NELL1: variants seen among roughly 807,000 people sequenced by gnomAD.
NELL1 encodes protein kinase C-binding protein NELL1.
In NELL1, 76 loss-of-function variants were observed where a neutral mutation model predicts 107.4. The observed-to-expected ratio is 0.71, with a 90% CI of 0.59 to 0.86. The LOEUF (loss-of-function observed/expected upper bound fraction) is 0.86, where lower values mean the gene tolerates loss of function less well. Among genes scored for constraint, NELL1 ranks in the 40% least tolerant of loss-of-function variants. The probability of loss-of-function intolerance (pLI) is 0.00; values close to 1 mark genes in which losing one functional copy is unlikely to be tolerated. For synonymous variants in NELL1, 353 were observed against 341.2 expected, an observed-to-expected ratio of 1.03 and a Z score of -0.38; for missense variants, 1,024 against 1,005.5, an observed-to-expected ratio of 1.02 and a Z score of -0.25.
intron 15 of NELL1, among the ~76,000 whole-genome samples, chr11:21,530,249 T>C (rs1855959803): frequency 6.6e-6 from 1 of 152,150 alleles, no homozygotes; most frequent in East Asian, 1.9e-4. Flanking sequence ...GCTTTAACTA[T>C]TAGTATGAAA....
chr11:21,274,538 A>G (rs1356955941), intron 14 of NELL1, among the ~76,000 whole-genome samples: 1 of 152,200 alleles, frequency 6.6e-6, no homozygotes, highest in Non-Finnish European at 1.5e-5. Flanking sequence ...TCAGCTCTGC[A>G]CCAAGCGGAC....
Position 21,489,395 on chromosome 11 carries a change from A to C in NELL1, c.1646-44979A>C, listed in dbSNP as rs1229031490. On this transcript the variant is annotated intron_variant, in intron 15 of 19. Transcript: ENST00000357134. ...GAAAGTATTTCAAAAAAAAAAAAAA[A>C]AAAAAAAAAAAAACAGAAGAAAAGG... 6.1e-5 allele frequency among the ~76,000 whole-genome samples: 9 copies of C among 147,172 alleles called. No individual in the cohort carries two copies. The South Asian group carries it at 1.9e-3, about 32-fold the overall frequency.
chr11:21,397,930 G>C (rs919314287), intron 15 of NELL1, among the ~76,000 whole-genome samples: 1 of 151,462 alleles, frequency 6.6e-6, no homozygotes, highest in Admixed American at 6.6e-5. Context: ...GAATCTGCTT[G>C]AACCTTGATC....
chr11:20,967,291 A>G (rs1262794674), intron 12 of NELL1, among the ~76,000 whole-genome samples: 1 of 152,132 alleles, frequency 6.6e-6, no homozygotes, highest in Non-Finnish European at 1.5e-5. Flanking sequence ...GAAATGGGCT[A>G]GTTTGCTTAA....
intron 16 of NELL1, among the ~76,000 whole-genome samples, chr11:21,540,837 C>A (rs1292600346): frequency 6.6e-6 from 1 of 152,010 alleles, no homozygotes; most frequent in Non-Finnish European, 1.5e-5. Context: ...AAATCCAAAC[C>A]ATATCACTGG....
At chr11:21,506,259 G>T (rs181013750) in intron 15 of NELL1, among the ~76,000 whole-genome samples, 1 of 152,252 alleles carries the variant, frequency 6.6e-6, no homozygotes, top group African/African-American at 2.4e-5. Context: ...AACCGATCTT[G>T]GTGATACAGA....
intron 13 of NELL1, among the ~76,000 whole-genome samples, chr11:21,172,594 C>A (rs1163934917): frequency 1.3e-5 from 2 of 151,620 alleles, no homozygotes; most frequent in African/African-American, 4.9e-5. Flanking sequence ...TATACCACTA[C>A]CTTCTCCGAG....
intron 14 of NELL1, among the ~76,000 whole-genome samples, chr11:21,318,764 C>T (rs1849936339): frequency 4.0e-5 from 6 of 151,800 alleles, no homozygotes. Flanking sequence ...CCTAATAAGA[C>T]ATTTTTTCTT....
At chr11:21,025,311 T>C (rs1852791042) in intron 12 of NELL1, among the ~76,000 whole-genome samples, 1 of 151,978 alleles carries the variant, frequency 6.6e-6, no homozygotes, top group Non-Finnish European at 1.5e-5. Flanking sequence ...TTCTGTAAGG[T>C]TGGTGCTATT....
chr11:21,168,758 T>C (rs952331647), intron 13 of NELL1, among the ~76,000 whole-genome samples: 1 of 151,866 alleles, frequency 6.6e-6, no homozygotes, highest in Non-Finnish European at 1.5e-5. Context: ...CAGGTGCTGT[T>C]GTTAAGCTGC....
At chr11:21,264,424 A>G (rs1791834) in intron 14 of NELL1, among the ~76,000 whole-genome samples, 137,438 of 151,772 alleles carry the variant, frequency 0.91, 62,374 homozygotes, top group Non-Finnish European at 0.93. Context: ...GGAATGAAGG[A>G]AGAACATTTG....
chr11:20,764,135 C>T (rs553637303), intron 2 of NELL1, among the ~76,000 whole-genome samples: 2 of 152,070 alleles, frequency 1.3e-5, no homozygotes, highest in Non-Finnish European at 2.9e-5. Context: ...TCACTGATTC[C>T]AAGGCACACA....
At chr11:21,420,076 G>A (rs1470213208) in intron 15 of NELL1, among the ~76,000 whole-genome samples, 2 of 151,934 alleles carry the variant, frequency 1.3e-5, no homozygotes, top group African/African-American at 4.8e-5. Flanking sequence ...ACGTGTGTTT[G>A]AATGGATACA....
intron 3 of NELL1, among the ~76,000 whole-genome samples, chr11:20,827,547 CAT>C (rs1197644130): frequency 6.6e-6 from 1 of 151,160 alleles, no homozygotes; most frequent in African/African-American, 2.4e-5. Flanking sequence ...CCATCTTCAA[CAT>C]GTGGTATTCC....
At chr11:20,832,272 G>T (rs1367322829) in intron 3 of NELL1, among the ~76,000 whole-genome samples, 1 of 152,200 alleles carries the variant, frequency 6.6e-6, no homozygotes, top group Non-Finnish European at 1.5e-5. Context: ...CTCATGTTTA[G>T]CCTGGGCTTT....
chr11:21,180,988 A>G (rs976376770), intron 13 of NELL1, among the ~76,000 whole-genome samples: 4 of 151,808 alleles, frequency 2.6e-5, no homozygotes, highest in African/African-American at 9.7e-5. Context: ...ACCATGTCAA[A>G]GAATTTTTTT....
chr11:20,847,753 G>A lies in NELL1; in HGVS notation c.506G>A (p.Arg169Lys), dbSNP rs1250204876. Residue 169 changes from arginine to lysine, a missense_variant and splice_region_variant, in exon 4 of 20, where the codon AGG becomes AAG. By Grantham distance (26) the Arg-to-Lys change is conservative (BLOSUM62 2). Transcript: ENST00000357134. ...CTCCTGCTCCATGTCGACTGTAACA[G>A]GTATTTCTTTGTCTTTGAGTGTTGC... is the stretch of plus-strand genomic sequence containing the variant. ...SHLLLHVDCN[R>K]IYERVIDPPD... is the part of the protein sequence containing the mutation. The A allele has an allele frequency of 6.2e-7, 1 of 1,607,460 alleles. No individual in the cohort carries two copies. The highest frequency in any genetic ancestry group is 8.5e-7 in the Non-Finnish European group (1 of 1,177,028).
chr11:21,520,056 G>C (rs948236304), intron 15 of NELL1, among the ~76,000 whole-genome samples: 1 of 152,146 alleles, frequency 6.6e-6, no homozygotes, highest in African/African-American at 2.4e-5. Context: ...GATATGGAAG[G>C]TGCCCTTTAG....
rs529069728 is a variant in NELL1 at position 21,541,623 on chromosome 11, C to T, written c.1786+7109C>T. Among the ~76,000 whole-genome samples the T allele has an allele frequency of 3.2e-4, 49 of 152,152 alleles. 1 individual carries two copies. The highest frequency in any genetic ancestry group is 5.6e-4 in the Non-Finnish European group (38 of 67,986). On this transcript the variant is annotated intron_variant, in intron 16 of 19. Coordinates refer to ENST00000357134, the MANE Select transcript of NELL1 (RefSeq NM_006157.5). ...GGGGAGGGGAGCTATGAAGCCTTTGCAGGCAATACTGTGATGTAATGGAGA... is the reference window on the plus strand; with the variant it reads ...GGGGAGGGGAGCTATGAAGCCTTTGTAGGCAATACTGTGATGTAATGGAGA...
Sources: gnomAD v4.1 joint callset for allele counts (sites outside exome capture counted in the v4.1 genomes callset) on GRCh38, gnomAD v4.1.1 for gene constraint, MANE v1.5 for transcripts, NCBI Gene and HGNC (gene_info 2026-07-23, HGNC 2026-07-21) for gene names.